Variants in ANKDD1A observed in about 807,000 individuals in gnomAD.
The protein encoded by ANKDD1A is ankyrin repeat and death domain containing 1A, also known as ankyrin repeat and death domain-containing protein 1A.
ANKDD1A carries 59 observed loss-of-function variants against 63.5 expected under a neutral mutation model. The ratio of observed to expected loss-of-function variants is 0.93; its 90% CI spans 0.75 to 1.15. The LOEUF (loss-of-function observed/expected upper bound fraction) is 1.15, where lower values mean the gene tolerates loss of function less well. Among genes scored for constraint, ANKDD1A ranks in the 50% most tolerant of loss-of-function variants. The probability of loss-of-function intolerance (pLI) is 0.00; values close to 1 mark genes in which losing one functional copy is unlikely to be tolerated. For synonymous variants in ANKDD1A, 266 were observed against 263.9 expected (o/e 1.01, Z -0.08); for missense variants, 632 against 656.4 (o/e 0.96, Z 0.41).
rs754734565 is a variant in ANKDD1A at position 64,943,440 on chromosome 15, C to A, written c.967-44C>A. The stretch of plus-strand genomic sequence containing the variant: ...GGCTGACTTAGGGTAGTGGGCCACC[C>A]CTACATGCTTTTCACTTACCTATTC... On this transcript the variant is annotated intron_variant, in intron 10 of 14. Transcript: ENST00000319580. 4 of 1,549,754 alleles carry A rather than the reference C, an allele frequency of 2.6e-6. No homozygotes were observed. In the East Asian group the frequency reaches 9.0e-5, roughly 35 times the overall value.
At chr15:64,912,640 G>T (rs1240163223) in intron 1 of ANKDD1A, among the ~76,000 whole-genome samples, 1 of 152,258 alleles carries the variant, frequency 6.6e-6, no homozygotes, top group Non-Finnish European at 1.5e-5. Flanking sequence ...CCGTCTGGGA[G>T]AGGGGAGAGA....
At chr15:64,952,667 CT>C (rs2085316558) in intron 14 of ANKDD1A, among the ~76,000 whole-genome samples, 1 of 132,374 alleles carries the variant, frequency 7.6e-6, no homozygotes, top group African/African-American at 2.8e-5. Context: ...TCTTCCCCTT[CT>C]TCCTTCTTCT....
chr15:64,930,980 G>A, intron 7 of ANKDD1A, 60 bp downstream of exon 7: 1 of 1,540,486 alleles, frequency 6.5e-7, no homozygotes, highest in Non-Finnish European at 8.8e-7. Flanking sequence ...TGCCTTCGAG[G>A]AACCCCCACC....
intron 9 of ANKDD1A, among the ~76,000 whole-genome samples, chr15:64,936,693 A>T (rs1179132010): frequency 3.3e-5 from 5 of 152,070 alleles, no homozygotes; most frequent in Non-Finnish European, 4.4e-5. Context: ...TTTAAAAATC[A>T]GCCGGGTATG....
At chr15:64,950,010 G>C in intron 14 of ANKDD1A, 38 bp downstream of exon 14, 1 of 1,598,064 alleles carries the variant, frequency 6.3e-7, no homozygotes, top group Non-Finnish European at 8.5e-7. Flanking sequence ...CTCAGGAGCT[G>C]GGTGGCCCCC....
At chr15:64,925,182 C>T (rs148289534) in intron 4 of ANKDD1A, among the ~76,000 whole-genome samples, 2 of 144,608 alleles carry the variant, frequency 1.4e-5, no homozygotes, top group East Asian at 2.0e-4. Flanking sequence ...GAGCCGAGAT[C>T]GCACCACTGT....
chr15:64,953,624 C>CTTAG (rs2085351228), intron 14 of ANKDD1A, among the ~76,000 whole-genome samples: 1 of 19,800 alleles, frequency 5.1e-5, no homozygotes, highest in African/African-American at 7.2e-5. Flanking sequence ...CCTTCTTCTT[C>CTTAG]TTCTTCCTTC....
intron 14 of ANKDD1A, among the ~76,000 whole-genome samples, chr15:64,952,015 T>A (rs1362679494): frequency 6.6e-6 from 1 of 150,380 alleles, no homozygotes; most frequent in Admixed American, 6.6e-5. Flanking sequence ...TCTTCCATCT[T>A]CTATCTTCTT....
intron 6 of ANKDD1A, 148 bp from the exon 7 acceptor site, chr15:64,930,674 C>T: frequency 1.5e-6 from 1 of 661,316 alleles, no homozygotes; most frequent in Non-Finnish European, 2.6e-6. Flanking sequence ...AGGGCTTGGC[C>T]CTTGAATCTG....
chr15:64,953,618 C>CTTCTTCTCCTTCTTAG (rs1555397857), intron 14 of ANKDD1A, among the ~76,000 whole-genome samples: 1 of 19,296 alleles, frequency 5.2e-5, no homozygotes, highest in African/African-American at 8.8e-5. Context: ...TTCTCTCCTT[C>CTTCTTCTCCTTCTTAG]TTCTTCTTCT....
chr15:64,926,014 GA>G, intron 4 of ANKDD1A, 51 bp from the exon 5 acceptor site: 1 of 1,536,974 alleles, frequency 6.5e-7, no homozygotes, highest in Non-Finnish European at 8.9e-7. Context: ...GGCAGTGTGT[GA>G]AAAGGGCCTC....
intron 3 of ANKDD1A, among the ~76,000 whole-genome samples, chr15:64,921,111 C>G (rs1001571449): frequency 1.8e-4 from 27 of 152,010 alleles, no homozygotes; most frequent in Non-Finnish European, 1.5e-5. Context: ...GCTGGGACCA[C>G]AGGAGTGTGC....
At chr15:64,916,063 A>T (rs961624153) in intron 2 of ANKDD1A, among the ~76,000 whole-genome samples, 163 bp downstream of exon 2, 1 of 152,164 alleles carries the variant, frequency 6.6e-6, no homozygotes, top group East Asian at 1.9e-4. Context: ...GTCTCGAGGA[A>T]TCTGAGGCTT....
chr15:64,948,917 C>T (rs546511021), intron 13 of ANKDD1A, among the ~76,000 whole-genome samples: 8 of 152,178 alleles, frequency 5.3e-5, no homozygotes, highest in Non-Finnish European at 8.8e-5. Context: ...AAAGTAAACG[C>T]TGCTACGGAT....
At position 64,949,947 on chromosome 15, in the gene ANKDD1A, G is replaced by T; in HGVS notation, c.1458G>T (p.Val486=). 6.2e-7 allele frequency: 1 copy of T among 1,610,200 alleles called. No individual in the cohort carries two copies. Residue 486 remains valine, a synonymous_variant, in exon 14 of 15, where the codon GTG becomes GTT. Transcript: ENST00000319580. ...GCAAAGCGCTGTTCGAGGGCCTCGT[G>T]GCCATTGGCAGGAGGGACCTGGCTG... is the stretch of plus-strand genomic sequence containing the variant. ...NPSKALFEGL[V]AIGRRDLAGW... is the part of the protein sequence containing the mutation.
chr15:64,938,081 A>G (rs112067641), intron 9 of ANKDD1A, among the ~76,000 whole-genome samples: 1 of 152,374 alleles, frequency 6.6e-6, no homozygotes, highest in African/African-American at 2.4e-5. Flanking sequence ...ATTGTAATCC[A>G]AAGTATAAAA....
At chr15:64,913,118 G>A (rs1038354867) in intron 1 of ANKDD1A, among the ~76,000 whole-genome samples, 10 of 152,182 alleles carry the variant, frequency 6.6e-5, no homozygotes, top group African/African-American at 2.4e-4. Context: ...CTTCCCATTG[G>A]AACTCCTGGC....
intron 7 of ANKDD1A, 119 bp from the exon 8 acceptor site, chr15:64,931,368 G>A (rs1012780396): frequency 2.3e-6 from 2 of 855,916 alleles, no homozygotes; most frequent in East Asian, 2.7e-5. Flanking sequence ...GGGCAGGGCA[G>A]TGGAGAGCTC....
At chr15:64,953,056 TTTCTTCCTCTTTCCTTCTTTCTTC>T (rs1258224722) in intron 14 of ANKDD1A, among the ~76,000 whole-genome samples, 136 of 150,212 alleles carry the variant, frequency 9.1e-4, no homozygotes, top group African/African-American at 3.3e-3. Flanking sequence ...TCCTCTCTTT[TTTCTTCCTCTTTCCTTCTTTCTTC>T]TTCTTCCTTC....
Sources: allele counts gnomAD v4.1 joint callset (sites outside exome capture counted in the v4.1 genomes callset), GRCh38; gene constraint gnomAD v4.1.1; transcripts MANE v1.5; gene names NCBI Gene and HGNC (gene_info 2026-07-23, HGNC 2026-07-21).